The following BAZ2B variants were observed in gnomAD, a reference collection of about 807,000 sequenced individuals.
The protein encoded by BAZ2B is bromodomain adjacent to zinc finger domain 2B, also known as bromodomain adjacent to zinc finger domain protein 2B.
In BAZ2B, 91 loss-of-function variants were observed where a neutral mutation model predicts 246.0. The ratio of observed to expected loss-of-function variants is 0.37; its 90% CI spans 0.31 to 0.44. BAZ2B has a LOEUF of 0.44. Ranked by LOEUF, BAZ2B falls within the 20% of genes least tolerant of loss-of-function variation. The probability of loss-of-function intolerance (pLI) is 1.00; values close to 1 mark genes in which losing one functional copy is unlikely to be tolerated. For missense variants in BAZ2B, 2,332 were observed against 2,533.7 expected (o/e 0.92, Z 1.71); for synonymous variants, 855 against 860.0 (o/e 0.99, Z 0.10).
At chr2:159,611,404 G>T (rs181959871) in intron 1 of BAZ2B, among the ~76,000 whole-genome samples, 48 of 151,988 alleles carry the variant, frequency 3.2e-4, no homozygotes, top group African/African-American at 1.0e-3. Context: ...GTAACAGAAT[G>T]ATTTTCTTTT....
the BAZ2B span, among the ~76,000 whole-genome samples, chr2:159,653,328 T>C: frequency 1.3e-5 from 2 of 152,232 alleles, no homozygotes; most frequent in African/African-American, 4.8e-5. Context: ...AATAAACACG[T>C]GATATTACTA....
chr2:159,677,172 T>C, the BAZ2B span, among the ~76,000 whole-genome samples: 1 of 151,150 alleles, frequency 6.6e-6, no homozygotes, highest in Admixed American at 6.6e-5. Flanking sequence ...AAATATATAG[T>C]TATATGATAA....
intron 21 of BAZ2B, among the ~76,000 whole-genome samples, chr2:159,387,077 G>A (rs1178567521): frequency 6.6e-6 from 1 of 151,980 alleles, no homozygotes; most frequent in African/African-American, 2.4e-5. Flanking sequence ...TTGTAGCTTA[G>A]AAACAAACAG....
intron 8 of BAZ2B, chr2:159,438,063 C>G (rs10190988): frequency 0.5 from 199,893 of 399,164 alleles, 53,059 homozygotes; most frequent in Non-Finnish European, 0.58. Context: ...TTACCTTAGG[C>G]ATGGGTTGCA....
At chr2:159,647,180 T>C in the BAZ2B span, among the ~76,000 whole-genome samples, 1 of 152,194 alleles carries the variant, frequency 6.6e-6, no homozygotes, top group African/African-American at 2.4e-5. Context: ...AGGATGTATG[T>C]ATAAAGATAT....
At chr2:159,407,019 G>T (rs2066051538) in intron 14 of BAZ2B, among the ~76,000 whole-genome samples, 1 of 151,948 alleles carries the variant, frequency 6.6e-6, no homozygotes, top group African/African-American at 2.4e-5. Flanking sequence ...CTCCCAAAGT[G>T]CTGGGATTAC....
At chr2:159,640,464 T>G in the BAZ2B span, among the ~76,000 whole-genome samples, 6 of 151,952 alleles carry the variant, frequency 3.9e-5, no homozygotes, top group Non-Finnish European at 8.8e-5. Flanking sequence ...AAACAAATCT[T>G]AAAACATTCA....
chr2:159,682,027 A>C, the BAZ2B span, among the ~76,000 whole-genome samples: 1 of 152,114 alleles, frequency 6.6e-6, no homozygotes, highest in Non-Finnish European at 1.5e-5. Context: ...TATAAATGGG[A>C]GAGAACTGTG....
chr2:159,623,119 G>A, the BAZ2B span, among the ~76,000 whole-genome samples: 1 of 149,834 alleles, frequency 6.7e-6, no homozygotes, highest in Non-Finnish European at 1.5e-5. Flanking sequence ...GGAAGGGAGA[G>A]GAAGGGAGAG....
the BAZ2B span, chr2:159,689,787 C>A: frequency 2.0e-6 from 1 of 505,814 alleles, no homozygotes; most frequent in South Asian, 2.3e-5. Context: ...TCTTTCAAGT[C>A]ATTTGTCTGC....
At chr2:159,455,763 GTTTTTTTTTTTT>G (rs60866580) in intron 3 of BAZ2B, among the ~76,000 whole-genome samples, 4 of 64,608 alleles carry the variant, frequency 6.2e-5, no homozygotes, top group South Asian at 7.8e-4. Flanking sequence ...AAATATTGTG[GTTTTTTTTTTTT>G]TTTTTTTTTT....
intron 31 of BAZ2B, among the ~76,000 whole-genome samples, chr2:159,339,344 A>G (rs543563882): frequency 1.8e-4 from 27 of 152,288 alleles, no homozygotes; most frequent in African/African-American, 6.3e-4. Context: ...AAAAACTCTG[A>G]GCAGATGGTA....
chr2:159,490,289 C>G (rs2080303862), intron 2 of BAZ2B, among the ~76,000 whole-genome samples: 1 of 151,842 alleles, frequency 6.6e-6, no homozygotes, highest in Non-Finnish European at 1.5e-5. Context: ...CTTTTCAATC[C>G]AAGCTTTAAA....
At chr2:159,607,297 T>C (rs1693730355) in intron 1 of BAZ2B, among the ~76,000 whole-genome samples, 1 of 152,150 alleles carries the variant, frequency 6.6e-6, no homozygotes. Flanking sequence ...TACACATATA[T>C]CACCCTCTGC....
chr2:159,634,036 A>C, the BAZ2B span, among the ~76,000 whole-genome samples: 1 of 152,134 alleles, frequency 6.6e-6, no homozygotes, highest in African/African-American at 2.4e-5. Flanking sequence ...CACCGTGCCC[A>C]GCCATATTTT....
intron 15 of BAZ2B, 22 bp from the exon 16 acceptor site, chr2:159,404,932 A>G (rs1443019122): frequency 1.2e-6 from 2 of 1,613,044 alleles, no homozygotes; most frequent in African/African-American, 1.3e-5. Context: ...CAAAGGATAG[A>G]TATCATCAAA....
At chr2:159,628,205 G>A in the BAZ2B span, among the ~76,000 whole-genome samples, 4 of 152,258 alleles carry the variant, frequency 2.6e-5, 1 homozygote, top group Middle Eastern at 0.01. Flanking sequence ...CTATGCTCAT[G>A]GATAGGAAGA....
At chr2:159,346,222 T>C (rs1322511447) in intron 31 of BAZ2B, among the ~76,000 whole-genome samples, 1 of 152,228 alleles carries the variant, frequency 6.6e-6, no homozygotes, top group East Asian at 1.9e-4. Context: ...AGGGATATTT[T>C]ATTAGCTCTG....
intron 27 of BAZ2B, among the ~76,000 whole-genome samples, chr2:159,351,495 A>G (rs1178457836): frequency 6.6e-6 from 1 of 152,152 alleles, no homozygotes; most frequent in East Asian, 1.9e-4. Context: ...AAAAAAAACT[A>G]AGATGTGTAC....
Sources: allele counts gnomAD v4.1 joint callset (sites outside exome capture counted in the v4.1 genomes callset), GRCh38; gene constraint gnomAD v4.1.1; transcripts MANE v1.5; gene names NCBI Gene and HGNC (gene_info 2026-07-23, HGNC 2026-07-21).